PPEF1: variants seen among roughly 807,000 people sequenced by gnomAD.
The protein encoded by PPEF1 is serine/threonine-protein phosphatase with EF-hands 1.
A neutral mutation model predicts 53.3 loss-of-function variants in PPEF1; 12 were observed. That is an observed-to-expected ratio of 0.23 (90% CI 0.14 to 0.36). The LOEUF is 0.36. PPEF1 is among the 10% of genes least tolerant of loss of function. PPEF1 has a pLI of 1.00. For synonymous variants in PPEF1, 165 were observed against 176.7 expected (o/e 0.93, Z 0.52); for missense variants, 334 against 490.4 (o/e 0.68, Z 3.01).
intron 10 of PPEF1, among the ~76,000 whole-genome samples, chrX:18,801,627 G>A (rs913187376): frequency 9.0e-6 from 1 of 111,480 alleles, no homozygotes; most frequent in Non-Finnish European, 1.9e-5. Flanking sequence ...TCAAGGTTAT[G>A]TAGCTTTAAT....
chrX:18,718,424 T>C (rs2044508467), intron 1 of PPEF1, among the ~76,000 whole-genome samples: 1 of 108,027 alleles, frequency 9.3e-6, no homozygotes, highest in Admixed American at 1.0e-4. Context: ...AAAAAAAAAA[T>C]AGCTGGACAT....
At chrX:18,728,738 T>G (rs1257002423) in intron 1 of PPEF1, among the ~76,000 whole-genome samples, 1 of 111,329 alleles carries the variant, frequency 9.0e-6, no homozygotes, top group Non-Finnish European at 1.9e-5. Context: ...GCTAATAAAT[T>G]AACCTTGCGA....
intron 1 of PPEF1, among the ~76,000 whole-genome samples, chrX:18,729,472 A>G (rs2044785925): frequency 1.8e-5 from 2 of 112,315 alleles, no homozygotes; most frequent in South Asian, 7.4e-4. Context: ...TCTATTGATT[A>G]AAGTAGTATT....
chrX:18,705,045 T>C (rs958846934), upstream of PPEF1, among the ~76,000 whole-genome samples: 6 of 111,949 alleles, frequency 5.4e-5, no homozygotes, highest in Non-Finnish European at 1.9e-5. Flanking sequence ...GTATTAAAAA[T>C]GTTGCCAAAT....
chrX:18,732,970 G>A (rs1271446616), intron 2 of PPEF1, among the ~76,000 whole-genome samples: 2 of 111,872 alleles, frequency 1.8e-5, no homozygotes, highest in Non-Finnish European at 3.8e-5. Context: ...TTGGGAGGCC[G>A]AGGCAGGTGG....
intron 12 of PPEF1, among the ~76,000 whole-genome samples, chrX:18,809,302 C>T (rs1045180962): frequency 3.6e-5 from 4 of 109,748 alleles, no homozygotes; most frequent in African/African-American, 1.3e-4. Flanking sequence ...CTTATAATAC[C>T]GAATGCACTA....
At chrX:18,691,594 A>G (rs1303178896) in intron 4 of PPEF1, 5 of 111,608 alleles carry the variant, frequency 4.5e-5, no homozygotes, top group Non-Finnish European at 7.5e-5. Flanking sequence ...GGAATGGCAG[A>G]TTGTAGCTCC....
At chrX:18,679,733 C>T (rs1928807351), upstream of PPEF1, among the ~76,000 whole-genome samples, 1 of 111,195 alleles carries the variant, frequency 9.0e-6, no homozygotes, top group Admixed American at 9.7e-5. Context: ...CAATGGCTCC[C>T]TACCTCAACT....
In PPEF1 at chrX:18,786,796, A is replaced by G. The variant is rs560579098; in HGVS notation, c.913-2325A>G. The stretch of plus-strand genomic sequence containing the variant: ...ACACTATCTCAAAAAAAAAAAAAAA[A>G]AAAAGAAAAGAAAAGAAAATGGCAT... On this transcript the variant is annotated intron_variant, in intron 9 of 15. Coordinates refer to ENST00000470157, the MANE Select transcript of PPEF1 (RefSeq NM_001377996.1). Among the ~76,000 whole-genome samples the G allele has an allele frequency of 5.2e-4, 22 of 42,573 alleles. No homozygotes were observed. The South Asian group carries it at 6.2e-3, about 12-fold the overall frequency. The allele number at this position is 42,573 out of a possible 115,157, so 37.0% of individuals were successfully genotyped here. A position where few individuals can be genotyped will look rare whatever the true frequency, so the allele number is the denominator to read the frequency against.
chrX:18,759,391 G>A (rs780309204), intron 5 of PPEF1, among the ~76,000 whole-genome samples: 7 of 111,532 alleles, frequency 6.3e-5, no homozygotes, highest in Non-Finnish European at 1.1e-4. Flanking sequence ...ATGAAAATTT[G>A]CTATTATTTT....
chrX:18,805,735 C>T (rs887652982), intron 11 of PPEF1, among the ~76,000 whole-genome samples: 1 of 108,833 alleles, frequency 9.2e-6, no homozygotes, highest in African/African-American at 3.4e-5. Flanking sequence ...ACCAGCTACT[C>T]GGGAGGCTGA....
intron 12 of PPEF1, among the ~76,000 whole-genome samples, chrX:18,817,784 T>A (rs1194442139): frequency 8.9e-6 from 1 of 111,960 alleles, no homozygotes; most frequent in Admixed American, 9.5e-5. Flanking sequence ...TTTCAAATGA[T>A]TGTTCATGTG....
Position 18,730,269 on chromosome X carries a change from C to T in PPEF1, c.135C>T (p.Phe45=), listed in dbSNP as rs1013765444. ...KARQHYALTI[F]QSIEYADEQG... is the part of the protein sequence containing the mutation. ...GACAACACTATGCCCTCACCATCTT[C>T]CAGTCCATCGAATATGCTGATGAAC... The change falls in exon 2 of 16, where the codon TTC becomes TTT. Residue 45 remains phenylalanine, a synonymous_variant. Coordinates refer to ENST00000470157, the MANE Select transcript of PPEF1 (RefSeq NM_001377996.1). 4 of 1,208,483 alleles carry T rather than the reference C, an allele frequency of 3.3e-6. No homozygotes were observed. Among genetic ancestry groups the T allele is most frequent in the African/African-American group, 1.7e-5 (1 of 57,183 alleles).
At chrX:18,784,827 A>T (rs1478017236) in intron 9 of PPEF1, among the ~76,000 whole-genome samples, 3 of 111,158 alleles carry the variant, frequency 2.7e-5, no homozygotes, top group Non-Finnish European at 3.8e-5. Context: ...GACTGTGAAG[A>T]TCTCACGCCT....
chrX:18,694,054 T>C (rs1414288817), intron 4 of PPEF1, among the ~76,000 whole-genome samples: 1 of 111,730 alleles, frequency 9.0e-6, no homozygotes, highest in Non-Finnish European at 1.9e-5. Context: ...GAATGCGATA[T>C]AACTGTCTGT....
intron 5 of PPEF1, 22 bp downstream of exon 5, chrX:18,757,763 TC>T: frequency 8.9e-7 from 1 of 1,120,056 alleles, no homozygotes; most frequent in Non-Finnish European, 1.2e-6. Flanking sequence ...AGCAGAGTTG[TC>T]CAATTAATAT....
upstream of PPEF1, among the ~76,000 whole-genome samples, chrX:18,675,364 C>T (rs749008546): frequency 8.8e-6 from 1 of 113,672 alleles, no homozygotes; most frequent in Admixed American, 9.1e-5. Context: ...AACTGAGCCT[C>T]GGCCACCCGG....
intron 7 of PPEF1, among the ~76,000 whole-genome samples, chrX:18,779,680 A>G (rs908657384): frequency 8.9e-6 from 1 of 112,638 alleles, no homozygotes; most frequent in Non-Finnish European, 1.9e-5. Context: ...CAACTATCTA[A>G]CTCACCAGAA....
chrX:18,768,035 G>A (rs1252878994), intron 6 of PPEF1, among the ~76,000 whole-genome samples: 1 of 112,007 alleles, frequency 8.9e-6, no homozygotes, highest in Non-Finnish European at 1.9e-5. Context: ...CCAATTATAT[G>A]TCATACCTGA....
Sources: gnomAD v4.1 joint callset for allele counts (sites outside exome capture counted in the v4.1 genomes callset) on GRCh38, gnomAD v4.1.1 for gene constraint, MANE v1.5 for transcripts, NCBI Gene and HGNC (gene_info 2026-07-23, HGNC 2026-07-21) for gene names.